EFNA5: variants seen among roughly 807,000 people sequenced by gnomAD.
The protein encoded by EFNA5 is ephrin A5.
A neutral mutation model predicts 22.9 loss-of-function variants in EFNA5; 5 were observed. That is an observed-to-expected ratio of 0.22 (90% CI 0.11 to 0.46). The LOEUF (loss-of-function observed/expected upper bound fraction) is 0.46. Among genes scored for constraint, EFNA5 ranks in the 20% least tolerant of loss-of-function variants. EFNA5 has a pLI of 0.99. For synonymous variants in EFNA5, 113 were observed against 112.2 expected (o/e 1.01, Z -0.04); for missense variants, 237 against 293.3 (o/e 0.81, Z 1.40).
chr5:107,531,211 G>C (rs1392988550), intron 1 of EFNA5, among the ~76,000 whole-genome samples: 2 of 152,176 alleles, frequency 1.3e-5, no homozygotes, highest in East Asian at 1.9e-4. Flanking sequence ...GCTCACCCTG[G>C]ATCAGTGACA....
intron 2 of EFNA5, among the ~76,000 whole-genome samples, chr5:107,422,870 A>C (rs979208301): frequency 1.1e-4 from 16 of 152,216 alleles, no homozygotes. Context: ...TAGAGACCAC[A>C]GATAATGATG....
chr5:107,631,452 T>C (rs1186411860), intron 1 of EFNA5, among the ~76,000 whole-genome samples: 1 of 152,078 alleles, frequency 6.6e-6, no homozygotes. Flanking sequence ...ATTTTGCCTA[T>C]GGTAAAACTA....
chr5:107,661,139 A>G (rs1294629008), intron 1 of EFNA5, among the ~76,000 whole-genome samples: 1 of 131,254 alleles, frequency 7.6e-6, no homozygotes, highest in African/African-American at 2.5e-5. Context: ...GAAGAAGAAG[A>G]AGAAGAAAAA....
At chr5:107,621,028 G>C (rs985674209) in intron 1 of EFNA5, among the ~76,000 whole-genome samples, 3 of 152,124 alleles carry the variant, frequency 2.0e-5, no homozygotes, top group Non-Finnish European at 4.4e-5. Context: ...GTGGATGGGA[G>C]GACAATGGTA....
intron 1 of EFNA5, among the ~76,000 whole-genome samples, chr5:107,518,923 G>T (rs77345272): frequency 0.029 from 4,364 of 152,112 alleles, 174 homozygotes; most frequent in African/African-American, 0.096. Flanking sequence ...TATTCCCAAG[G>T]TTCCTCCCCT....
intron 1 of EFNA5, among the ~76,000 whole-genome samples, chr5:107,485,120 G>A (rs748794737): frequency 7.2e-5 from 11 of 151,942 alleles, no homozygotes; most frequent in Admixed American, 6.6e-5. Context: ...TAAGAGGAGG[G>A]TTTGAATTCC....
At chr5:107,386,284 G>T (rs1416690959) in intron 4 of EFNA5, among the ~76,000 whole-genome samples, 1 of 152,020 alleles carries the variant, frequency 6.6e-6, no homozygotes, top group Non-Finnish European at 1.5e-5. Flanking sequence ...TGAAGATCTG[G>T]AGCAGGTCGG....
intron 1 of EFNA5, among the ~76,000 whole-genome samples, chr5:107,506,799 C>G (rs1747262304): frequency 6.6e-6 from 1 of 152,096 alleles, no homozygotes; most frequent in Non-Finnish European, 1.5e-5. Flanking sequence ...AGGGTGAAAC[C>G]TACTCAGAAT....
At chr5:107,638,568 G>A (rs373752537) in intron 1 of EFNA5, among the ~76,000 whole-genome samples, 10 of 152,194 alleles carry the variant, frequency 6.6e-5, no homozygotes, top group East Asian at 3.9e-4. Context: ...TTAAAATACA[G>A]TATGACAACT....
intron 2 of EFNA5, chr5:107,427,000 C>A: frequency 1.8e-6 from 1 of 569,904 alleles, no homozygotes; most frequent in Non-Finnish European, 3.1e-6. Flanking sequence ...AGTGAACAGG[C>A]TGACACGTAA....
intron 1 of EFNA5, among the ~76,000 whole-genome samples, chr5:107,453,959 G>A (rs1038976622): frequency 6.6e-6 from 1 of 152,006 alleles, no homozygotes; most frequent in Admixed American, 6.6e-5. Flanking sequence ...GTGTGTGTGT[G>A]TGTGTGTATG....
At chr5:107,387,844 C>T in intron 2 of EFNA5, 73 bp from the exon 3 acceptor site, 1 of 1,034,242 alleles carries the variant, frequency 9.7e-7, no homozygotes, top group Non-Finnish European at 1.5e-6. Flanking sequence ...TTTTCACATA[C>T]AAATGATGAA....
At chr5:107,473,659 A>ATTT (rs564376165) in intron 1 of EFNA5, among the ~76,000 whole-genome samples, 126 of 140,918 alleles carry the variant, frequency 8.9e-4, no homozygotes, top group African/African-American at 2.5e-3. Flanking sequence ...TTTCACTTGA[A>ATTT]TTTTTTTTTT....
chr5:107,657,828 T>C (rs547426070), intron 1 of EFNA5, among the ~76,000 whole-genome samples: 2 of 152,234 alleles, frequency 1.3e-5, no homozygotes, highest in African/African-American at 4.8e-5. Flanking sequence ...ATTAGTAATA[T>C]TGTATTTATA....
At chr5:107,535,485 T>C (rs1019007030) in intron 1 of EFNA5, among the ~76,000 whole-genome samples, 1 of 151,880 alleles carries the variant, frequency 6.6e-6, no homozygotes, top group African/African-American at 2.4e-5. Context: ...ACAAAAATTT[T>C]CAAAGAATGG....
At chr5:107,528,786 G>C (rs1179836243) in intron 1 of EFNA5, among the ~76,000 whole-genome samples, 1 of 152,062 alleles carries the variant, frequency 6.6e-6, no homozygotes, top group Non-Finnish European at 1.5e-5. Context: ...ACTGATTTAG[G>C]TATGGGGTTA....
chr5:107,547,761 G>A (rs1748199813), intron 1 of EFNA5, among the ~76,000 whole-genome samples: 2 of 152,136 alleles, frequency 1.3e-5, no homozygotes, highest in African/African-American at 4.8e-5. Context: ...ATTACAAGAG[G>A]TGACTTTGTA....
intron 1 of EFNA5, among the ~76,000 whole-genome samples, chr5:107,595,077 G>C (rs1179673610): frequency 1.3e-5 from 2 of 151,928 alleles, no homozygotes; most frequent in Non-Finnish European, 2.9e-5. Flanking sequence ...TGGAGTCATT[G>C]GTCCCCCCTT....
chr5:107,534,574 A>C (rs1747892276), intron 1 of EFNA5, among the ~76,000 whole-genome samples: 1 of 152,186 alleles, frequency 6.6e-6, no homozygotes, highest in Non-Finnish European at 1.5e-5. Flanking sequence ...TTTTTAGCTG[A>C]CAACATTCTA....
Sources: gnomAD v4.1 joint callset for allele counts (sites outside exome capture counted in the v4.1 genomes callset) on GRCh38, gnomAD v4.1.1 for gene constraint, MANE v1.5 for transcripts, NCBI Gene and HGNC (gene_info 2026-07-23, HGNC 2026-07-21) for gene names.